The following FMNL2 variants were observed in gnomAD, a reference collection of about 807,000 sequenced individuals.
FMNL2 encodes the protein formin like 2.
A neutral mutation model predicts 130.2 loss-of-function variants in FMNL2; 51 were observed. The observed-to-expected ratio is 0.39, with a 90% CI of 0.31 to 0.49. FMNL2 has a LOEUF of 0.49. FMNL2 is among the 20% of genes least tolerant of loss of function. FMNL2 has a pLI of 0.85. For missense variants in FMNL2, 977 were observed against 1,316.2 expected (o/e 0.74, Z 3.99); for synonymous variants, 465 against 467.1 (o/e 1.00, Z 0.06).
intron 2 of FMNL2, among the ~76,000 whole-genome samples, chr2:152,533,125 C>T (rs906536486): frequency 2.0e-5 from 3 of 151,988 alleles, no homozygotes; most frequent in Admixed American, 1.3e-4. Flanking sequence ...ATTTTGTTTC[C>T]TAAGAAATTT....
intron 1 of FMNL2, among the ~76,000 whole-genome samples, chr2:152,342,861 C>T (rs1681889894): frequency 6.6e-6 from 1 of 152,162 alleles, no homozygotes; most frequent in African/African-American, 2.4e-5. Flanking sequence ...ACATTCAGCC[C>T]TATTTACCAG....
rs372993919 is a variant in FMNL2, at chr2:152,487,802, T to C, written c.118-34141T>C. 2.0e-5 allele frequency among the ~76,000 whole-genome samples: 3 copies of C among 152,046 alleles called. No individual in the cohort carries two copies. The South Asian group carries it at 6.2e-4, about 32-fold the overall frequency. Reference sequence around the variant, plus strand: ...ATTCTTTCTTTTTTTTTTTTTTCCTTTTTGAGACACAGTCTCACTCTGTTG... The same window carrying C: ...ATTCTTTCTTTTTTTTTTTTTTCCTCTTTGAGACACAGTCTCACTCTGTTG... On this transcript the variant is annotated intron_variant, in intron 1 of 25. Coordinates refer to ENST00000288670, the MANE Select transcript of FMNL2 (RefSeq NM_052905.4).
intron 3 of FMNL2, among the ~76,000 whole-genome samples, chr2:152,547,058 G>A (rs148338569): frequency 2.0e-5 from 3 of 151,548 alleles, no homozygotes; most frequent in African/African-American, 7.3e-5. Context: ...CAGTTCTCGT[G>A]CCTCAGCTTC....
At chr2:152,507,929 G>C (rs562838306) in intron 1 of FMNL2, among the ~76,000 whole-genome samples, 1 of 152,114 alleles carries the variant, frequency 6.6e-6, no homozygotes, top group Non-Finnish European at 1.5e-5. Flanking sequence ...ATGACCAGAA[G>C]ACGTTTTCTA....
chr2:152,616,676 G>T (rs1018488429), intron 12 of FMNL2, among the ~76,000 whole-genome samples: 2 of 152,090 alleles, frequency 1.3e-5, no homozygotes, highest in Non-Finnish European at 2.9e-5. Context: ...TTTTCAACTG[G>T]CTACCTAGAT....
At chr2:152,347,485 A>G (rs1186408060) in intron 1 of FMNL2, among the ~76,000 whole-genome samples, 1 of 152,176 alleles carries the variant, frequency 6.6e-6, no homozygotes, top group Admixed American at 6.5e-5. Context: ...GCTTTTCATA[A>G]TACTGAGAAG....
intron 1 of FMNL2, among the ~76,000 whole-genome samples, chr2:152,490,496 T>C (rs1691095823): frequency 6.6e-6 from 1 of 151,458 alleles, no homozygotes; most frequent in Non-Finnish European, 1.5e-5. Context: ...TCTCTGTTGC[T>C]TGTGAGCCAG....
chr2:152,483,459 A>G (rs1374318335), intron 1 of FMNL2, among the ~76,000 whole-genome samples: 1 of 152,206 alleles, frequency 6.6e-6, no homozygotes, highest in African/African-American at 2.4e-5. Context: ...GCTAACTACA[A>G]TTGGATTCTG....
chr2:152,418,651 G>A (rs1391855436), intron 1 of FMNL2, among the ~76,000 whole-genome samples: 1 of 152,154 alleles, frequency 6.6e-6, no homozygotes, highest in African/African-American at 2.4e-5. Flanking sequence ...TTTTAAGGCT[G>A]AACAGTAATA....
intron 21 of FMNL2, among the ~76,000 whole-genome samples, chr2:152,632,886 A>G (rs1421153406): frequency 6.6e-6 from 1 of 152,156 alleles, no homozygotes; most frequent in African/African-American, 2.4e-5. Context: ...GTGATATCGA[A>G]CCATAAGCAG....
At chr2:152,643,917 C>A (rs1168549331) in intron 25 of FMNL2, 20 of 981,576 alleles carry the variant, frequency 2.0e-5, no homozygotes, top group Non-Finnish European at 2.4e-5. Flanking sequence ...AACTGCTATA[C>A]CTAACATGTA....
At chr2:152,347,713 C>T (rs889451590) in intron 1 of FMNL2, among the ~76,000 whole-genome samples, 4 of 152,150 alleles carry the variant, frequency 2.6e-5, no homozygotes, top group Non-Finnish European at 4.4e-5. Context: ...CTGTGAATTT[C>T]ATGTTCTGGT....
intron 1 of FMNL2, among the ~76,000 whole-genome samples, chr2:152,487,961 A>G (rs539480228): frequency 2.0e-5 from 3 of 151,998 alleles, no homozygotes; most frequent in Non-Finnish European, 2.9e-5. Flanking sequence ...TAATTTTTGT[A>G]TTTTTAGTAG....
chr2:152,482,280 A>G lies in FMNL2; in HGVS notation c.118-39663A>G, dbSNP rs143145374. On this transcript the variant is annotated intron_variant, in intron 1 of 25. Transcript: ENST00000288670. ...TTTCTACCACATGAATCTTTTTTAG[A>G]AGAGGGGATTTTCTTTCTCCCCTAG... 7.5e-4 allele frequency among the ~76,000 whole-genome samples: 114 copies of G among 152,296 alleles called. 3 individuals are homozygous for G. The East Asian group carries it at 0.021, about 28-fold the overall frequency.
At chr2:152,522,530 A>G (rs1441577905) in intron 2 of FMNL2, among the ~76,000 whole-genome samples, 1 of 152,212 alleles carries the variant, frequency 6.6e-6, no homozygotes, top group African/African-American at 2.4e-5. Context: ...ATGTTATGAG[A>G]GGAACCCGGT....
At chr2:152,580,280 A>G (rs946289124) in intron 8 of FMNL2, among the ~76,000 whole-genome samples, 8 of 152,246 alleles carry the variant, frequency 5.3e-5, no homozygotes, top group Non-Finnish European at 1.2e-4. Flanking sequence ...CTTTCTTGAC[A>G]TTGAATTTGA....
chr2:152,429,610 T>TC (rs1329862859), intron 1 of FMNL2, among the ~76,000 whole-genome samples: 1 of 151,976 alleles, frequency 6.6e-6, no homozygotes, highest in East Asian at 1.9e-4. Flanking sequence ...CTTTTGTCTT[T>TC]TTTTTTTTGT....
chr2:152,609,995 A>G (rs1476730619), intron 10 of FMNL2, among the ~76,000 whole-genome samples: 1 of 152,212 alleles, frequency 6.6e-6, no homozygotes, highest in Non-Finnish European at 1.5e-5. Flanking sequence ...TTACCAAACC[A>G]GGGACAGGTT....
intron 1 of FMNL2, among the ~76,000 whole-genome samples, chr2:152,375,831 A>G (rs16831009): frequency 0.074 from 10,901 of 146,398 alleles, 464 homozygotes; most frequent in African/African-American, 0.093. Flanking sequence ...TTCAAGTACT[A>G]TAACATTTAG....
Sources: allele counts gnomAD v4.1 joint callset (sites outside exome capture counted in the v4.1 genomes callset), GRCh38; gene constraint gnomAD v4.1.1; transcripts MANE v1.5; gene names NCBI Gene and HGNC (gene_info 2026-07-23, HGNC 2026-07-21).